Variants in MITF observed in about 807,000 individuals in gnomAD.
MITF encodes microphthalmia-associated transcription factor.
Under a neutral mutation model 60.5 loss-of-function variants are expected in MITF, and 17 were observed. The observed-to-expected ratio is 0.28, with a 90% CI of 0.19 to 0.42. The LOEUF (loss-of-function observed/expected upper bound fraction) is 0.42. MITF is among the 10% of genes least tolerant of loss of function. MITF has a pLI of 1.00. For synonymous variants in MITF, 260 were observed against 248.5 expected (o/e 1.05, Z -0.43); for missense variants, 622 against 683.5 (o/e 0.91, Z 1.00).
intron 1 of MITF, among the ~76,000 whole-genome samples, chr3:69,753,490 C>T (rs1704012793): frequency 6.6e-6 from 1 of 152,232 alleles, no homozygotes; most frequent in South Asian, 2.1e-4. Context: ...CACTGCCATC[C>T]TCCAGACCCC....
intron 6 of MITF, among the ~76,000 whole-genome samples, chr3:69,950,622 GGT>G (rs555883840): frequency 2.2e-5 from 3 of 138,496 alleles, no homozygotes; most frequent in African/African-American, 8.5e-5. Flanking sequence ...AAATATATAT[GGT>G]GTGTATATAT....
chr3:69,964,402 A>T (rs1475388660), intron 9 of MITF, among the ~76,000 whole-genome samples: 1 of 137,020 alleles, frequency 7.3e-6, no homozygotes, highest in Non-Finnish European at 1.6e-5. Flanking sequence ...TGCCAGTGGT[A>T]CTTCTCCTAT....
In MITF at chr3:69,966,357, T is replaced by A. The variant is rs974617030; in HGVS notation, c.*1109T>A. The A allele has an allele frequency of 2.6e-5, 6 of 232,914 alleles. No homozygotes were observed. The highest frequency in any genetic ancestry group is 5.1e-5 in the Non-Finnish European group (6 of 117,696). 14.4% of individuals were successfully genotyped at this position (232,914 alleles called of 1,614,324 possible). Reference sequence around the variant, plus strand: ...ATTTAAAAGACAGCTTTGCGAATATTTTGTAAATTACAGTCTCACTCAGAA... The same window carrying A: ...ATTTAAAAGACAGCTTTGCGAATATATTGTAAATTACAGTCTCACTCAGAA... On this transcript the variant is annotated 3_prime_UTR_variant, in exon 10 of 10. Coordinates refer to ENST00000352241, the MANE Select transcript of MITF (RefSeq NM_001354604.2).
At chr3:69,797,042 A>G (rs1460287241) in intron 1 of MITF, among the ~76,000 whole-genome samples, 1 of 152,214 alleles carries the variant, frequency 6.6e-6, no homozygotes, top group African/African-American at 2.4e-5. Flanking sequence ...AGCAAGGAGA[A>G]CATCTACTAT....
intron 1 of MITF, among the ~76,000 whole-genome samples, chr3:69,786,753 A>G (rs1315029597): frequency 1.3e-5 from 2 of 152,248 alleles, no homozygotes; most frequent in African/African-American, 4.8e-5. Context: ...TCATTTAAAA[A>G]CAATTTCTTT....
In MITF at chr3:69,761,278, A is replaced by G. The variant is rs888474607; in HGVS notation, c.104+21577A>G. 3.9e-5 allele frequency among the ~76,000 whole-genome samples: 6 copies of G among 152,346 alleles called. No homozygotes were observed. The East Asian group carries it at 9.6e-4, about 24-fold the overall frequency. On this transcript the variant is annotated intron_variant, in intron 1 of 9. Transcript: ENST00000352241. ...TTATAAACATAGTAAGGCACTTACT[A>G]TCTACCAGGTACAGTATTTAAGTGT... is the stretch of plus-strand genomic sequence containing the variant.
chr3:69,924,406 T>A (rs2065538499), intron 2 of MITF, among the ~76,000 whole-genome samples: 8 of 152,188 alleles, frequency 5.3e-5, no homozygotes, highest in Admixed American at 5.2e-4. Flanking sequence ...AAGTGCTTGC[T>A]TAGTAAACAT....
At chr3:69,902,051 A>G (rs1345600402) in intron 2 of MITF, among the ~76,000 whole-genome samples, 2 of 152,182 alleles carry the variant, frequency 1.3e-5, no homozygotes, top group Non-Finnish European at 2.9e-5. Context: ...CCACACTCCA[A>G]CTGGCAGTGG....
chr3:69,851,838 A>G (rs935570821), intron 1 of MITF, among the ~76,000 whole-genome samples: 1 of 152,304 alleles, frequency 6.6e-6, no homozygotes, highest in Admixed American at 6.5e-5. Flanking sequence ...CATTTACCCA[A>G]TATGCTCACA....
intron 1 of MITF, among the ~76,000 whole-genome samples, chr3:69,781,942 C>T (rs2062572069): frequency 6.6e-6 from 1 of 152,190 alleles, no homozygotes; most frequent in Non-Finnish European, 1.5e-5. Context: ...GATTGCCTGT[C>T]TCGTTGATGA....
chr3:69,862,435 AG>A (rs1332827723), intron 1 of MITF, among the ~76,000 whole-genome samples: 3 of 152,250 alleles, frequency 2.0e-5, no homozygotes, highest in Non-Finnish European at 4.4e-5. Context: ...GCTATTGAGT[AG>A]AAGTATGAGT....
chr3:69,905,491 A>G (rs1248405388), intron 2 of MITF, among the ~76,000 whole-genome samples: 1 of 151,846 alleles, frequency 6.6e-6, no homozygotes, highest in African/African-American at 2.4e-5. Flanking sequence ...TCTCCTGGGT[A>G]AATATTTGGG....
intron 1 of MITF, among the ~76,000 whole-genome samples, chr3:69,808,524 T>C (rs1373036160): frequency 6.6e-6 from 1 of 151,594 alleles, no homozygotes; most frequent in Admixed American, 6.6e-5. Flanking sequence ...GTAAGAGGAG[T>C]TGATCTGGTC....
At chr3:69,872,985 T>C (rs1016457308) in intron 1 of MITF, among the ~76,000 whole-genome samples, 1 of 152,168 alleles carries the variant, frequency 6.6e-6, no homozygotes, top group African/African-American at 2.4e-5. Context: ...CATGAGGCTA[T>C]GTTTTGTAAG....
At chr3:69,916,545 TA>T (rs2065339534) in intron 2 of MITF, among the ~76,000 whole-genome samples, 1 of 152,190 alleles carries the variant, frequency 6.6e-6, no homozygotes, top group South Asian at 2.1e-4. Context: ...TGGGATTGTT[TA>T]AAAAATTTTA....
chr3:69,907,672 T>C (rs887792911), intron 2 of MITF, among the ~76,000 whole-genome samples: 2 of 152,206 alleles, frequency 1.3e-5, no homozygotes, highest in Non-Finnish European at 2.9e-5. Context: ...TTTTGAGCAC[T>C]GTTAAGTCTG....
intron 1 of MITF, among the ~76,000 whole-genome samples, chr3:69,867,275 G>A (rs1004684789): frequency 2.0e-5 from 3 of 151,918 alleles, no homozygotes; most frequent in African/African-American, 7.3e-5. Flanking sequence ...AAGACAGCAA[G>A]AATAATGGAA....
chr3:69,740,761 A>G (rs1252720529), intron 1 of MITF, among the ~76,000 whole-genome samples: 1 of 152,216 alleles, frequency 6.6e-6, no homozygotes, highest in Non-Finnish European at 1.5e-5. Flanking sequence ...GGAAGCATCC[A>G]GCAGGGCTTC....
At chr3:69,866,445 T>C in intron 1 of MITF, 1 of 1,485,042 alleles carries the variant, frequency 6.7e-7, no homozygotes, top group Non-Finnish European at 9.1e-7. Context: ...AAGGGTTTAT[T>C]GGGAGTTAAA....
Sources: allele counts gnomAD v4.1 joint callset (sites outside exome capture counted in the v4.1 genomes callset), GRCh38; gene constraint gnomAD v4.1.1; transcripts MANE v1.5; gene names NCBI Gene and HGNC (gene_info 2026-07-23, HGNC 2026-07-21).